RBFOX1: variants seen among roughly 807,000 people sequenced by gnomAD.
The protein encoded by RBFOX1 is RNA binding fox-1 homolog 1.
A neutral mutation model predicts 57.7 loss-of-function variants in RBFOX1; 8 were observed. The ratio of observed to expected loss-of-function variants is 0.14; its 90% confidence interval spans 0.08 to 0.25. The LOEUF is 0.25. Among genes scored for constraint, RBFOX1 ranks in the 10% least tolerant of loss-of-function variants. RBFOX1 has a pLI of 1.00. For missense variants in RBFOX1, 611 were observed against 548.5 expected (o/e 1.11, Z -1.14); for synonymous variants, 326 against 222.4 (o/e 1.47, Z -4.15).
chr16:5,817,106 C>T (rs79159799), intron 3 of RBFOX1, among the ~76,000 whole-genome samples: 2 of 152,192 alleles, frequency 1.3e-5, no homozygotes, highest in Non-Finnish European at 1.5e-5. Context: ...ATCCCCTTTC[C>T]TGTACATCTT....
intron 4 of RBFOX1, among the ~76,000 whole-genome samples, chr16:7,128,370 AATGAGCT>A (rs143963377): frequency 0.24 from 37,021 of 151,962 alleles, 4,644 homozygotes; most frequent in Non-Finnish European, 0.28. Flanking sequence ...ATTGCTGTGT[AATGAGCT>A]AGTCCAAAGC....
At chr16:7,309,156 G>C (rs1477010681) in intron 4 of RBFOX1, among the ~76,000 whole-genome samples, 1 of 152,162 alleles carries the variant, frequency 6.6e-6, no homozygotes, top group Admixed American at 6.5e-5. Flanking sequence ...CTTTCTAGAG[G>C]GATGTCTTAC....
At chr16:6,521,455 C>T (rs1048933161) in intron 2 of RBFOX1, among the ~76,000 whole-genome samples, 7 of 142,830 alleles carry the variant, frequency 4.9e-5, no homozygotes, top group African/African-American at 1.6e-4. Flanking sequence ...CCTCCCGTCC[C>T]CTCTCCTCTC....
chr16:7,665,864 A>G (rs1276562733), intron 13 of RBFOX1, among the ~76,000 whole-genome samples: 1 of 152,208 alleles, frequency 6.6e-6, no homozygotes. Flanking sequence ...TAGAAGATGA[A>G]TAAGGCACTG....
At chr16:6,611,028 G>C (rs1466638132) in intron 2 of RBFOX1, among the ~76,000 whole-genome samples, 1 of 152,262 alleles carries the variant, frequency 6.6e-6, no homozygotes, top group South Asian at 2.1e-4. Context: ...TTAGAAGAAA[G>C]TGTATGTTAT....
At chr16:6,350,937 C>T (rs901465491) in intron 2 of RBFOX1, among the ~76,000 whole-genome samples, 1 of 152,194 alleles carries the variant, frequency 6.6e-6, no homozygotes, top group African/African-American at 2.4e-5. Flanking sequence ...TGGCCTGGCA[C>T]CTGGTCCTCA....
At chr16:7,626,221 C>G (rs1345227250) in intron 10 of RBFOX1, among the ~76,000 whole-genome samples, 1 of 152,234 alleles carries the variant, frequency 6.6e-6, no homozygotes, top group Non-Finnish European at 1.5e-5. Context: ...GCAGAGTAAA[C>G]AGTTTTCGAC....
intron 2 of RBFOX1, among the ~76,000 whole-genome samples, chr16:6,562,280 C>T (rs1011635148): frequency 6.6e-6 from 1 of 152,208 alleles, no homozygotes; most frequent in Non-Finnish European, 1.5e-5. Flanking sequence ...TAGAGATTGC[C>T]TTATCTGCAC....
At chr16:5,673,570 G>A (rs1051586813) in intron 3 of RBFOX1, among the ~76,000 whole-genome samples, 9 of 152,204 alleles carry the variant, frequency 5.9e-5, no homozygotes, top group Non-Finnish European at 1.5e-5. Flanking sequence ...TGGTTGTTCC[G>A]TCAAGTGGAA....
intron 4 of RBFOX1, among the ~76,000 whole-genome samples, chr16:7,370,617 C>G (rs778987512): frequency 6.6e-6 from 1 of 152,160 alleles, no homozygotes; most frequent in East Asian, 1.9e-4. Context: ...TTTCAGGATA[C>G]CATTCTCTCA....
At chr16:6,899,919 A>C (rs1003268526) in intron 3 of RBFOX1, among the ~76,000 whole-genome samples, 5 of 152,224 alleles carry the variant, frequency 3.3e-5, no homozygotes, top group African/African-American at 1.2e-4. Flanking sequence ...TGTTCTGACC[A>C]TAACCATTTG....
At chr16:5,597,471 C>T (rs555395902) in intron 2 of RBFOX1, among the ~76,000 whole-genome samples, 48 of 144,798 alleles carry the variant, frequency 3.3e-4, no homozygotes, top group African/African-American at 1.0e-3. Flanking sequence ...GTGGTCTTGG[C>T]TCACTGCAAC....
At chr16:6,543,729 C>A (rs1230030308) in intron 2 of RBFOX1, among the ~76,000 whole-genome samples, 1 of 151,894 alleles carries the variant, frequency 6.6e-6, no homozygotes, top group Non-Finnish European at 1.5e-5. Context: ...AGGTTCACAC[C>A]GAAGCATCTT....
Position 6,670,715 on chromosome 16 carries a change from T to TG in RBFOX1, c.-16+16067dup, listed in dbSNP as rs1252939514. On this transcript the variant is annotated intron_variant, in intron 3 of 15. Transcript: ENST00000550418. ...TGTTGCTATAAAACTGGTTTCCTTA[T>TG]GGCCGGGCACGGTGGTTCACGCCTG... Among the ~76,000 whole-genome samples, 4 of 152,194 alleles carry TG rather than the reference T, an allele frequency of 2.6e-5. No individual in the cohort carries two copies. The East Asian group carries it at 7.7e-4, about 29-fold the overall frequency.
intron 3 of RBFOX1, among the ~76,000 whole-genome samples, chr16:6,982,698 A>G (rs545468556): frequency 6.6e-6 from 1 of 152,176 alleles, no homozygotes; most frequent in Non-Finnish European, 1.5e-5. Flanking sequence ...CTCATTTTGA[A>G]AGATGTGGAA....
intron 12 of RBFOX1, among the ~76,000 whole-genome samples, chr16:7,664,264 T>C (rs1234317042): frequency 6.6e-6 from 1 of 152,222 alleles, no homozygotes; most frequent in Non-Finnish European, 1.5e-5. Context: ...CACAATGCAC[T>C]TGTACACATG....
chr16:6,220,814 A>G (rs1269142522), intron 1 of RBFOX1, among the ~76,000 whole-genome samples: 2 of 152,048 alleles, frequency 1.3e-5, no homozygotes, highest in South Asian at 2.1e-4. Context: ...CCACCCTCAG[A>G]TGTATTTTTT....
At chr16:7,624,060 T>G (rs997873625) in intron 10 of RBFOX1, among the ~76,000 whole-genome samples, 3 of 152,214 alleles carry the variant, frequency 2.0e-5, no homozygotes, top group African/African-American at 7.2e-5. Context: ...GTTTTTCATC[T>G]AAAATTTACC....
chr16:7,341,962 T>C (rs916546856), intron 4 of RBFOX1, among the ~76,000 whole-genome samples: 1 of 152,044 alleles, frequency 6.6e-6, no homozygotes, highest in Non-Finnish European at 1.5e-5. Flanking sequence ...CCATTCCTTC[T>C]CTTCTGCTCT....
Sources: gnomAD v4.1 joint callset for allele counts (sites outside exome capture counted in the v4.1 genomes callset) on GRCh38, gnomAD v4.1.1 for gene constraint, MANE v1.5 for transcripts, NCBI Gene and HGNC (gene_info 2026-07-23, HGNC 2026-07-21) for gene names.